Variants in PSMD1 observed in about 807,000 individuals in gnomAD.
PSMD1 encodes the protein proteasome 26S subunit, non-ATPase 1, also known as 26S proteasome non-ATPase regulatory subunit 1.
Under a neutral mutation model 119.0 loss-of-function variants are expected in PSMD1, and 18 were observed. That is an observed-to-expected ratio of 0.15 (90% CI 0.10 to 0.22). PSMD1 has a LOEUF of 0.22. Ranked by LOEUF, PSMD1 falls within the 10% of genes least tolerant of loss-of-function variation. The pLI is 1.00. For synonymous variants in PSMD1, 374 were observed against 396.6 expected (o/e 0.94, Z 0.68); for missense variants, 702 against 1,158.5 (o/e 0.61, Z 5.72).
chr2:231,120,793 T>C (rs1176769269), intron 16 of PSMD1, among the ~76,000 whole-genome samples: 1 of 152,216 alleles, frequency 6.6e-6, no homozygotes. Context: ...GTTAATCTTT[T>C]ATCATAGAAC....
At chr2:231,080,413 C>T (rs1471062673) in intron 12 of PSMD1, 99 bp downstream of exon 12, 5 of 1,027,084 alleles carry the variant, frequency 4.9e-6, no homozygotes, top group Non-Finnish European at 6.7e-6. Context: ...GTAGAATTTG[C>T]GAATACCCAA....
Position 231,072,357 on chromosome 2 carries a change from A to G in PSMD1, c.823A>G (p.Ile275Val), listed in dbSNP as rs1324249833. 3.7e-6 allele frequency: 6 copies of G among 1,613,904 alleles called. No homozygotes were observed. In the African/African-American group the frequency reaches 4.0e-5, roughly 11 times the overall value. ...IQNLRTVGTPIASVPGSTNTG... is the reference protein window; with the variant it reads ...IQNLRTVGTPVASVPGSTNTG... Reference sequence around the variant, plus strand: ...GAATCTTCGAACTGTTGGCACCCCTATTGCTTCTGTGCCTGGATCCACTAA... The same window carrying G: ...GAATCTTCGAACTGTTGGCACCCCTGTTGCTTCTGTGCCTGGATCCACTAA... The change falls in exon 7 of 25, where the codon ATT (isoleucine) becomes GTT (valine). Residue 275 changes from isoleucine to valine, a missense_variant. Physicochemically the swap from Ile to Val is conservative, Grantham distance 29 (BLOSUM62 3). Transcript: ENST00000308696.
At chr2:231,078,890 G>C (rs1694238760) in intron 10 of PSMD1, 143 bp downstream of exon 10, 1 of 561,872 alleles carries the variant, frequency 1.8e-6, no homozygotes, top group African/African-American at 2.0e-5. Context: ...CATCTCCTGG[G>C]TTCAGGCGAT....
Position 231,108,978 on chromosome 2 carries a change from C to A in PSMD1, c.1883+21797C>A, listed in dbSNP as rs776080221. 3 of 1,614,152 alleles carry A rather than the reference C, an allele frequency of 1.9e-6. No individual in the cohort carries two copies. In the South Asian group the frequency reaches 3.3e-5, roughly 18 times the overall value. ...CACATAAGCAAAAAGAGGAAAAACA[C>A]AATCCCTAGGACCTTTGAGGCTCTC... On this transcript the variant is annotated intron_variant, in intron 16 of 24. Coordinates refer to ENST00000308696, the MANE Select transcript of PSMD1 (RefSeq NM_002807.4).
chr2:231,149,415 G>T (rs6743580), intron 18 of PSMD1, among the ~76,000 whole-genome samples: 2 of 152,070 alleles, frequency 1.3e-5, no homozygotes, highest in African/African-American at 4.8e-5. Flanking sequence ...CAGGAGACTC[G>T]CTTGAGCCTG....
At chr2:231,124,359 T>A (rs1695664458) in intron 16 of PSMD1, among the ~76,000 whole-genome samples, 1 of 152,222 alleles carries the variant, frequency 6.6e-6, no homozygotes, top group Admixed American at 6.5e-5. Context: ...GACCCTTGAA[T>A]GTCTTTTTAC....
At chr2:231,146,476 T>C (rs1696256235) in intron 18 of PSMD1, 120 bp downstream of exon 18, 2 of 708,222 alleles carry the variant, frequency 2.8e-6, no homozygotes, top group Admixed American at 2.3e-5. Flanking sequence ...AAAGTAAAAG[T>C]AAAGAGAGCA....
intron 17 of PSMD1, among the ~76,000 whole-genome samples, chr2:231,145,275 A>C (rs1696226396): frequency 6.6e-6 from 1 of 152,204 alleles, no homozygotes; most frequent in Admixed American, 6.5e-5. Context: ...CAGAATACAT[A>C]CCTGTACGTC....
At chr2:231,137,277 G>A (rs1318497028) in intron 16 of PSMD1, among the ~76,000 whole-genome samples, 2 of 151,316 alleles carry the variant, frequency 1.3e-5, no homozygotes, top group African/African-American at 4.9e-5. Context: ...CACCATGCCT[G>A]GCTAATTTTT....
In PSMD1 at chr2:231,084,220, C is replaced by T. The variant is rs554269322; in HGVS notation, c.1722+457C>T. Reference sequence around the variant, plus strand: ...AAAAAAAATTAGCCAGGCTTGGTGGCGGACACCTGTAATCCCAGCTACTTG... The same window carrying T: ...AAAAAAAATTAGCCAGGCTTGGTGGTGGACACCTGTAATCCCAGCTACTTG... On this transcript the variant is annotated intron_variant, in intron 14 of 24. Coordinates refer to ENST00000308696, the MANE Select transcript of PSMD1 (RefSeq NM_002807.4). Among the ~76,000 whole-genome samples the T allele has an allele frequency of 1.1e-4, 16 of 152,092 alleles. No homozygotes were observed. The East Asian group carries it at 2.7e-3, about 26-fold the overall frequency.
intron 17 of PSMD1, among the ~76,000 whole-genome samples, chr2:231,142,240 CTT>C (rs765386936): frequency 6.6e-6 from 1 of 152,078 alleles, no homozygotes; most frequent in Non-Finnish European, 1.5e-5. Context: ...GGGAGAATTT[CTT>C]ACATGAGAAT....
intron 6 of PSMD1, 23 bp from the exon 7 acceptor site, chr2:231,072,166 A>G (rs751486238): frequency 1.9e-6 from 3 of 1,560,986 alleles, no homozygotes; most frequent in South Asian, 1.1e-5. Context: ...TTATTGAATA[A>G]TTGTTCTTTA....
At chr2:231,138,268 CTTCT>C (rs1429731749) in intron 16 of PSMD1, among the ~76,000 whole-genome samples, 9 of 152,152 alleles carry the variant, frequency 5.9e-5, no homozygotes. Flanking sequence ...ATTATCAAGG[CTTCT>C]TTATCAGTTT....
At chr2:231,167,773 C>T (rs546327963) in intron 23 of PSMD1, among the ~76,000 whole-genome samples, 3 of 152,272 alleles carry the variant, frequency 2.0e-5, no homozygotes, top group South Asian at 2.1e-4. Flanking sequence ...CTAGAACATA[C>T]GAAAAGCTCC....
chr2:231,167,675 CT>C (rs1396955166), intron 23 of PSMD1, among the ~76,000 whole-genome samples: 2 of 152,192 alleles, frequency 1.3e-5, no homozygotes, highest in Admixed American at 6.5e-5. Flanking sequence ...TGAGCATTGA[CT>C]TTAGTGGACA....
chr2:231,083,649 A>G lies in PSMD1; in HGVS notation c.1608A>G (p.Ala536=), dbSNP rs745552908. ...AQAIEDMVGY[A]QETQHEKILR... is the part of the protein sequence containing the mutation. ...CTATTGAGGACATGGTTGGTTATGC[A>G]CAAGAAACTCAACATGAGAAGATTC... The change falls in exon 14 of 25, where the codon GCA becomes GCG. Residue 536 remains alanine, a synonymous_variant. Transcript: ENST00000308696. 8.1e-6 allele frequency: 13 copies of G among 1,614,234 alleles called. No individual in the cohort carries two copies. The highest frequency in any genetic ancestry group is 1.1e-5 in the Non-Finnish European group (13 of 1,180,038).
intron 16 of PSMD1, among the ~76,000 whole-genome samples, chr2:231,130,989 G>C (rs901468130): frequency 2.0e-5 from 3 of 152,172 alleles, no homozygotes; most frequent in African/African-American, 4.8e-5. Context: ...TGTTACTAAT[G>C]ATTTAATGTA....
chr2:231,147,014 C>T (rs1444995221), intron 18 of PSMD1, among the ~76,000 whole-genome samples: 5 of 152,198 alleles, frequency 3.3e-5, no homozygotes, highest in Admixed American at 6.5e-5. Flanking sequence ...TGTCTCAGTG[C>T]ACAGCAGCCC....
At chr2:231,169,905 A>G (rs1363394834) in intron 23 of PSMD1, among the ~76,000 whole-genome samples, 2 of 152,038 alleles carry the variant, frequency 1.3e-5, no homozygotes, top group African/African-American at 4.8e-5. Context: ...TTTCCCATGT[A>G]TTTTTTCATC....
Sources: allele counts gnomAD v4.1 joint callset (sites outside exome capture counted in the v4.1 genomes callset), GRCh38; gene constraint gnomAD v4.1.1; transcripts MANE v1.5; gene names NCBI Gene and HGNC (gene_info 2026-07-23, HGNC 2026-07-21).